DSCAML1: variants seen among roughly 807,000 people sequenced by gnomAD.
DSCAML1 encodes the protein cell adhesion molecule DSCAML1.
In DSCAML1, 38 loss-of-function variants were observed where a neutral mutation model predicts 200.5. The observed-to-expected ratio is 0.19, with a 90% confidence interval of 0.15 to 0.25. The LOEUF is 0.25. Ranked by LOEUF, DSCAML1 falls within the 10% of genes least tolerant of loss-of-function variation. The probability of loss-of-function intolerance (pLI) is 1.00; values close to 1 mark genes in which losing one functional copy is unlikely to be tolerated. For synonymous variants in DSCAML1, 1,215 were observed against 1,165.0 expected (o/e 1.04, Z -0.87); for missense variants, 2,223 against 2,858.8 (o/e 0.78, Z 5.07).
chr11:117,501,822 C>A (rs1235740442), intron 11 of DSCAML1, among the ~76,000 whole-genome samples: 3 of 151,996 alleles, frequency 2.0e-5, no homozygotes, highest in Non-Finnish European at 4.4e-5. Context: ...AGGTGTGTCG[C>A]TAGCCCTACC....
At position 117,541,884 on chromosome 11, in the gene DSCAML1, G is replaced by A. The variant is rs886862480; in HGVS notation, c.512-9362C>T. On this transcript the variant is annotated intron_variant, in intron 3 of 32. Coordinates refer to ENST00000651296, the MANE Select transcript of DSCAML1 (RefSeq NM_020693.4). ...CCGACTAAAGATGTACCTCTTCTTC[G>A]TTAGGTGATTAGATTGGAAATGCTA... Among the ~76,000 whole-genome samples, 34 of 145,490 alleles carry A rather than the reference G, an allele frequency of 2.3e-4. 1 individual carries two copies. The highest frequency in any genetic ancestry group is 1.3e-3 in the Admixed American group (19 of 14,532).
intron 3 of DSCAML1, among the ~76,000 whole-genome samples, chr11:117,660,068 C>T (rs2052813228): frequency 6.6e-6 from 1 of 152,194 alleles, no homozygotes; most frequent in Non-Finnish European, 1.5e-5. Context: ...GGCCAGTTCT[C>T]TCTTTTCATA....
rs58446545 is a variant in DSCAML1, at chr11:117,609,035, C to CAAAA, written c.512-76517_512-76514dup. The stretch of plus-strand genomic sequence containing the variant: ...ACAAACAAACAAACAAACAAACAAA[C>CAAAA]AAAAAAAACAAAAATTGTCTGGGCA... On this transcript the variant is annotated intron_variant, in intron 3 of 32. Coordinates refer to ENST00000651296, the MANE Select transcript of DSCAML1 (RefSeq NM_020693.4). 2.8e-3 allele frequency among the ~76,000 whole-genome samples: 307 copies of CAAAA among 110,940 alleles called. 2 individuals are homozygous for CAAAA. Among genetic ancestry groups the CAAAA allele is most frequent in the African/African-American group, 8.5e-3 (234 of 27,500 alleles). The allele number at this position is 110,940 out of a possible 152,430, so 72.8% of individuals were successfully genotyped here. A position where few individuals can be genotyped will look rare whatever the true frequency, so the allele number is the denominator to read the frequency against.
intron 30 of DSCAML1, 97 bp downstream of exon 30, chr11:117,432,255 C>G (rs182525693): frequency 7.4e-6 from 10 of 1,352,596 alleles, no homozygotes; most frequent in Non-Finnish European, 8.9e-6. Flanking sequence ...CCATTAAGCT[C>G]CCTCCTCCCT....
chr11:117,727,267 T>C (rs2054148223), intron 3 of DSCAML1, among the ~76,000 whole-genome samples: 1 of 152,194 alleles, frequency 6.6e-6, no homozygotes, highest in Non-Finnish European at 1.5e-5. Flanking sequence ...AACAAGACCA[T>C]GTTAATTAGT....
At chr11:117,587,854 G>T (rs1565809333) in intron 3 of DSCAML1, among the ~76,000 whole-genome samples, 1 of 152,254 alleles carries the variant, frequency 6.6e-6, no homozygotes, top group Admixed American at 6.5e-5. Context: ...GGTGTGGGGA[G>T]AGCTGTGTTC....
chr11:117,816,410 G>A (rs1415282922), intron 1 of DSCAML1, among the ~76,000 whole-genome samples: 1 of 152,234 alleles, frequency 6.6e-6, no homozygotes, highest in East Asian at 1.9e-4. Flanking sequence ...ATCTCCGCTG[G>A]CCAGGCATTT....
At chr11:117,436,522 GTGTGTGTA>G (rs796444332) in intron 26 of DSCAML1, among the ~76,000 whole-genome samples, 135 of 124,940 alleles carry the variant, frequency 1.1e-3, no homozygotes, top group African/African-American at 3.0e-3. Flanking sequence ...GGATGTGTGT[GTGTGTGTA>G]TGTGTGTGTA....
At chr11:117,433,776 T>G (rs79617322) in intron 27 of DSCAML1, among the ~76,000 whole-genome samples, 3 of 152,170 alleles carry the variant, frequency 2.0e-5, no homozygotes, top group Non-Finnish European at 4.4e-5. Flanking sequence ...GAATTGACTC[T>G]GCTTAAACAC....
At chr11:117,529,313 A>C (rs1209706599) in intron 4 of DSCAML1, among the ~76,000 whole-genome samples, 1 of 152,116 alleles carries the variant, frequency 6.6e-6, no homozygotes, top group Non-Finnish European at 1.5e-5. Flanking sequence ...CCTGTCCTCA[A>C]GTGAGCCACC....
At chr11:117,570,779 C>A (rs1488207609) in intron 3 of DSCAML1, among the ~76,000 whole-genome samples, 1 of 152,226 alleles carries the variant, frequency 6.6e-6, no homozygotes, top group Admixed American at 6.5e-5. Context: ...TCAGGGGCCA[C>A]TGAGGGTCAT....
intron 3 of DSCAML1, among the ~76,000 whole-genome samples, chr11:117,659,307 A>G (rs1465200403): frequency 6.6e-6 from 1 of 152,220 alleles, no homozygotes; most frequent in Non-Finnish European, 1.5e-5. Flanking sequence ...AGTTGATGGA[A>G]TATTTTCACA....
At chr11:117,479,704 A>C (rs1361711315) in intron 14 of DSCAML1, among the ~76,000 whole-genome samples, 1 of 151,948 alleles carries the variant, frequency 6.6e-6, no homozygotes, top group East Asian at 1.9e-4. Context: ...GCTGGAGTGC[A>C]ATGGCACGAT....
chr11:117,503,361 C>T lies in DSCAML1; in HGVS notation c.2359+484G>A, dbSNP rs780288413. Among the ~76,000 whole-genome samples, 9 of 152,144 alleles carry T rather than the reference C, an allele frequency of 5.9e-5. No homozygotes were observed. The highest frequency in any genetic ancestry group is 1.2e-4 in the Non-Finnish European group (8 of 68,022). ...TGGAGCACAGGGAGGGGGAGTGACT[C>T]GCCCAAGGTCACTCAGCTCATCAGG... On this transcript the variant is annotated intron_variant, in intron 11 of 32. Transcript: ENST00000651296. The surrounding 1 kb of genome is among the most constrained non-coding windows in gnomAD (Gnocchi z 5.2).
chr11:117,457,425 G>T (rs1457952234), intron 19 of DSCAML1, among the ~76,000 whole-genome samples: 1 of 152,186 alleles, frequency 6.6e-6, no homozygotes, highest in East Asian at 1.9e-4. Flanking sequence ...GGGGCCCCAG[G>T]GGCTCATTTC....
At chr11:117,488,971 G>T (rs766357332) in intron 11 of DSCAML1, among the ~76,000 whole-genome samples, 3 of 152,246 alleles carry the variant, frequency 2.0e-5, no homozygotes, top group Non-Finnish European at 4.4e-5. Context: ...AGCAGGCCCT[G>T]AGCTGGATGC....
chr11:117,434,134 A>G (rs1025562713), intron 27 of DSCAML1, among the ~76,000 whole-genome samples: 2 of 152,208 alleles, frequency 1.3e-5, no homozygotes, highest in Non-Finnish European at 2.9e-5. Flanking sequence ...AGCTGTATGC[A>G]TGCATCTAAC....
rs1243957488 is a variant in DSCAML1, at chr11:117,430,783, C to T, written c.5625G>A (p.Lys1875=). ...GICRFTASPP[K]PQDADRGKNV... ...TTTTGCCCCGGTCCGCATCCTGGGG[C>T]TTGGGTGGTGAGGCGGTAAAGCGGC... The change falls in exon 32 of 33, where the codon AAG becomes AAA. Residue 1875 remains lysine, a synonymous_variant. Transcript: ENST00000651296. 8 of 1,613,968 alleles carry T rather than the reference C, an allele frequency of 5.0e-6. No individual in the cohort carries two copies. The highest frequency in any genetic ancestry group is 3.3e-5 in the South Asian group (3 of 91,084).
At chr11:117,513,340 C>T (rs2049683335) in intron 8 of DSCAML1, among the ~76,000 whole-genome samples, 1 of 152,156 alleles carries the variant, frequency 6.6e-6, no homozygotes, top group Admixed American at 6.5e-5. Context: ...ATGGCTCCCT[C>T]GCAACAGCAG....
Sources: gnomAD v4.1 joint callset for allele counts (sites outside exome capture counted in the v4.1 genomes callset) on GRCh38, gnomAD v4.1.1 for gene constraint, Gnocchi (gnomAD v3.1) non-coding constraint, MANE v1.5 for transcripts, NCBI Gene and HGNC (gene_info 2026-07-23, HGNC 2026-07-21) for gene names.